The following MYO16 variants were observed in gnomAD, a reference collection of about 807,000 sequenced individuals.
MYO16 encodes unconventional myosin-XVI.
In MYO16, 94 loss-of-function variants were observed where a neutral mutation model predicts 205.3. That is an observed-to-expected ratio of 0.46 (90% CI 0.39 to 0.54). The LOEUF is 0.54. MYO16 is among the 20% of genes least tolerant of loss of function. The pLI is 0.00. For synonymous variants in MYO16, 988 were observed against 954.0 expected, an observed-to-expected ratio of 1.04 and a Z score of -0.66; for missense variants, 2,315 against 2,387.5, an observed-to-expected ratio of 0.97 and a Z score of 0.63.
rs1884385568 is a variant in MYO16, at chr13:108,727,609, T to C, written c.507+26T>C. 4 of 1,591,132 alleles carry C rather than the reference T, an allele frequency of 2.5e-6. No individual in the cohort carries two copies. The East Asian group carries it at 9.0e-5, about 36-fold the overall frequency. ...GTAAGTAAAGCAATTCAGTTTACCA[T>C]TTGAAGATTTGATGGCATGTAAAAG... is the stretch of plus-strand genomic sequence containing the variant. On this transcript the variant is annotated intron_variant, in intron 4 of 34. Transcript: ENST00000457511.
chr13:108,889,813 C>T (rs1450467300), intron 14 of MYO16, among the ~76,000 whole-genome samples: 1 of 152,228 alleles, frequency 6.6e-6, no homozygotes, highest in Non-Finnish European at 1.5e-5. Flanking sequence ...CATACTGCCT[C>T]TCATTCTTAA....
intron 12 of MYO16, among the ~76,000 whole-genome samples, chr13:108,877,770 C>T (rs1024457895): frequency 6.6e-6 from 1 of 152,132 alleles, no homozygotes; most frequent in South Asian, 2.1e-4. Context: ...AGCTTATACA[C>T]TTCTCTGTCT....
chr13:108,995,983 G>A (rs932906076), intron 21 of MYO16, among the ~76,000 whole-genome samples: 3 of 152,140 alleles, frequency 2.0e-5, no homozygotes, highest in African/African-American at 7.2e-5. Flanking sequence ...CACTGTTGGT[G>A]GGACTGTAAA....
At chr13:108,879,024 G>A (rs920012054) in intron 12 of MYO16, among the ~76,000 whole-genome samples, 2 of 152,228 alleles carry the variant, frequency 1.3e-5, no homozygotes, top group African/African-American at 4.8e-5. Flanking sequence ...TGGTTGAGGT[G>A]TAATGTTTGT....
chr13:108,609,421 TCTG>T (rs1212915572), intron 1 of MYO16, among the ~76,000 whole-genome samples: 1 of 152,202 alleles, frequency 6.6e-6, no homozygotes, highest in East Asian at 1.9e-4. Flanking sequence ...CCAGGTCTGT[TCTG>T]CTCACGGCAC....
chr13:108,528,563 TCTCCTCTCC>T, the MYO16 span, among the ~76,000 whole-genome samples: 3 of 63,528 alleles, frequency 4.7e-5, no homozygotes, highest in African/African-American at 2.4e-4. Flanking sequence ...TCTCCTCTCC[TCTCCTCTCC>T]CCTCCCCTCC....
chr13:108,721,172 C>T (rs1048182064), intron 3 of MYO16, among the ~76,000 whole-genome samples: 1 of 152,216 alleles, frequency 6.6e-6, no homozygotes, highest in Non-Finnish European at 1.5e-5. Context: ...ACAAGAGAAG[C>T]TGTGAACTGC....
intron 3 of MYO16, among the ~76,000 whole-genome samples, chr13:108,714,636 TA>T (rs779155082): frequency 0.012 from 1,547 of 133,374 alleles, 12 homozygotes; most frequent in Non-Finnish European, 0.02. Flanking sequence ...AGAGAGAGAT[TA>T]GATATGTTAA....
At chr13:108,877,903 C>A (rs1228854959) in intron 12 of MYO16, among the ~76,000 whole-genome samples, 3 of 152,184 alleles carry the variant, frequency 2.0e-5, no homozygotes, top group Non-Finnish European at 4.4e-5. Context: ...ACATACAAAT[C>A]ATGAGAGTAC....
chr13:108,764,386 G>A (rs988282948), intron 4 of MYO16, among the ~76,000 whole-genome samples: 7 of 152,148 alleles, frequency 4.6e-5, no homozygotes, highest in African/African-American at 1.7e-4. Flanking sequence ...GGAAAGGGCT[G>A]TATATCCTCA....
chr13:108,976,652 C>T lies in MYO16; in HGVS notation c.2369+11750C>T, dbSNP rs115709225. ...TCAATTATAATGAAAGTACTTAATT[C>T]GTAATAAATGAATTTATGTTTATAA... On this transcript the variant is annotated intron_variant, in intron 20 of 34. Transcript: ENST00000457511. Among the ~76,000 whole-genome samples the T allele has an allele frequency of 2.8e-3, 424 of 152,134 alleles. 1 individual carries two copies. Among genetic ancestry groups the T allele is most frequent in the African/African-American group, 9.6e-3 (397 of 41,526 alleles).
chr13:109,113,397 A>G (rs1414991551), intron 28 of MYO16, among the ~76,000 whole-genome samples: 5 of 152,174 alleles, frequency 3.3e-5, no homozygotes, highest in African/African-American at 1.2e-4. Context: ...GCCATACAAT[A>G]AAAAAGTCTA....
chr13:109,120,017 G>A (rs1594102105), intron 28 of MYO16, among the ~76,000 whole-genome samples: 1 of 152,166 alleles, frequency 6.6e-6, no homozygotes, highest in South Asian at 2.1e-4. Context: ...ATGAGAAGAG[G>A]AAGGAAAGAT....
chr13:108,733,097 T>G (rs75286662), intron 4 of MYO16, among the ~76,000 whole-genome samples: 5,357 of 152,252 alleles, frequency 0.035, 282 homozygotes, highest in African/African-American at 0.12. Flanking sequence ...TTTTATTGAT[T>G]TGTGAGGTGA....
intron 9 of MYO16, among the ~76,000 whole-genome samples, chr13:108,825,595 AAATAAATAAATG>A (rs780952327): frequency 2.6e-4 from 40 of 151,548 alleles, no homozygotes; most frequent in Non-Finnish European, 3.2e-4. Flanking sequence ...ATAAATAAAT[AAATAAATAAATG>A]AATAGTATCC....
chr13:108,957,663 C>T (rs748581391), intron 16 of MYO16, 25 bp from the exon 17 acceptor site: 17 of 1,521,566 alleles, frequency 1.1e-5, no homozygotes, highest in Middle Eastern at 1.7e-4. Flanking sequence ...CAGGCGATAA[C>T]GTTACGTGCC....
At chr13:108,532,468 T>C in the MYO16 span, among the ~76,000 whole-genome samples, 1 of 151,048 alleles carries the variant, frequency 6.6e-6, no homozygotes, top group Admixed American at 6.6e-5. Flanking sequence ...GAGAGTGTGG[T>C]AACTGAAAGA....
intron 7 of MYO16, among the ~76,000 whole-genome samples, chr13:108,818,760 CA>C (rs1875782043): frequency 6.6e-6 from 1 of 152,164 alleles, no homozygotes; most frequent in South Asian, 2.1e-4. Context: ...ATATAACCAA[CA>C]ACATCATGCC....
intron 23 of MYO16, among the ~76,000 whole-genome samples, chr13:109,025,917 C>T (rs1187068204): frequency 6.6e-6 from 1 of 152,174 alleles, no homozygotes; most frequent in Non-Finnish European, 1.5e-5. Context: ...CAATATATGA[C>T]ACCTACCTAT....
Sources: allele counts gnomAD v4.1 joint callset (sites outside exome capture counted in the v4.1 genomes callset), GRCh38; gene constraint gnomAD v4.1.1; transcripts MANE v1.5; gene names NCBI Gene and HGNC (gene_info 2026-07-23, HGNC 2026-07-21).